XKR5: variants seen among roughly 807,000 people sequenced by gnomAD.
The protein encoded by XKR5 is XK related 5.
In XKR5, 46 loss-of-function variants were observed where a neutral mutation model predicts 40.8. That is an observed-to-expected ratio of 1.13 (90% confidence interval 0.89 to 1.44). The LOEUF (loss-of-function observed/expected upper bound fraction) is 1.44. Among genes scored for constraint, XKR5 ranks in the 40% most tolerant of loss-of-function variants. XKR5 has a pLI of 0.00. For missense variants in XKR5, 1,169 were observed against 844.7 expected (o/e 1.38, Z -4.76); for synonymous variants, 466 against 356.1 (o/e 1.31, Z -3.48).
At chr8:6,822,083 T>C (rs1470679700) in intron 4 of XKR5, 45 bp from the exon 5 acceptor site, 6 of 1,550,648 alleles carry the variant, frequency 3.9e-6, no homozygotes, top group Non-Finnish European at 4.4e-6. Context: ...TGCAAGGAGA[T>C]GGGGGGACAG....
At chr8:6,834,573 C>A (rs544730699) in intron 1 of XKR5, among the ~76,000 whole-genome samples, 1 of 152,126 alleles carries the variant, frequency 6.6e-6, no homozygotes, top group Non-Finnish European at 1.5e-5. Context: ...GCGCGTCCTC[C>A]GTGTGCGTCC....
intron 4 of XKR5, among the ~76,000 whole-genome samples, chr8:6,822,904 G>A (rs750136085): frequency 2.1e-4 from 32 of 152,234 alleles, no homozygotes; most frequent in Non-Finnish European, 4.0e-4. Flanking sequence ...ACTTTTGGAA[G>A]CTATGTGCAG....
At chr8:6,813,511 T>G (rs1474615165) in intron 6 of XKR5, among the ~76,000 whole-genome samples, 1 of 152,142 alleles carries the variant, frequency 6.6e-6, no homozygotes, top group Non-Finnish European at 1.5e-5. Flanking sequence ...TCAGTGAATA[T>G]TGGTCCCAGG....
intron 5 of XKR5, among the ~76,000 whole-genome samples, chr8:6,819,613 G>C (rs1332687849): frequency 1.3e-5 from 2 of 152,212 alleles, no homozygotes; most frequent in African/African-American, 2.4e-5. Flanking sequence ...ACTCAGGTCT[G>C]GGCAGTGTGC....
At chr8:6,813,400 C>T (rs1303115323) in intron 6 of XKR5, among the ~76,000 whole-genome samples, 2 of 152,182 alleles carry the variant, frequency 1.3e-5, no homozygotes, top group Non-Finnish European at 2.9e-5. Flanking sequence ...CCCCTGATCA[C>T]AGAAGTCCTG....
rs1481451099 is a variant in XKR5 at position 6,835,433 on chromosome 8, C to CA, written c.58+2dup. 2 of 1,483,374 alleles carry CA rather than the reference C, an allele frequency of 1.3e-6. No individual in the cohort carries two copies. The highest frequency in any genetic ancestry group is 1.8e-6 in the Non-Finnish European group (2 of 1,123,770). The allele number at this position is 1,483,374 out of a possible 1,614,324, so 91.9% of individuals were successfully genotyped here. On this transcript the variant is annotated splice_region_variant and intron_variant, in intron 1 of 6. Transcript: ENST00000618742. ...GAGCACAGCCTCGGGCTGCCGCACT[C>CA]ACGCGCGCTCTGCTCGGCCGCCTGC...
rs1803658699 is a variant in XKR5, at chr8:6,811,173, T to A, written c.*25A>T. The A allele has an allele frequency of 6.6e-7, 1 of 1,512,312 alleles. No homozygotes were observed. The highest frequency in any genetic ancestry group is 1.4e-5 in the African/African-American group (1 of 72,374). The allele number at this position is 1,512,312 out of a possible 1,614,324, so 93.7% of individuals were successfully genotyped here. The stretch of plus-strand genomic sequence containing the variant: ...ATGGCCAGCTTGGTTTGTCAGCCTG[T>A]TGTCTTATCCCACCATGACTGTGGT... On this transcript the variant is annotated 3_prime_UTR_variant, in exon 7 of 7. Transcript: ENST00000618742.
Position 6,823,689 on chromosome 8 carries a change from G to T in XKR5, c.469C>A (p.Leu157Met), listed in dbSNP as rs774620664. The change falls in exon 4 of 7, where the codon CTG becomes ATG. Residue 157 changes from leucine to methionine, a missense_variant. Leu to Met is a conservative substitution (Grantham distance 15). Coordinates refer to ENST00000618742, the MANE Select transcript of XKR5 (RefSeq NM_207411.5). Reference sequence around the variant, plus strand: ...CCCATGAAGCGAGTGTAGGACACCAGTGCCCAGGAGAGTGAGGACCAGGAA... The same window carrying T: ...CCCATGAAGCGAGTGTAGGACACCATTGCCCAGGAGAGTGAGGACCAGGAA... ...LFSWSSLSWA[L>M]VSYTRFMGFM... is the part of the protein sequence containing the mutation. The T allele has an allele frequency of 1.2e-5, 19 of 1,590,072 alleles. No individual in the cohort carries two copies. Among genetic ancestry groups the T allele is most frequent in the Middle Eastern group, 3.3e-4 (2 of 5,976 alleles).
chr8:6,823,050 G>C (rs191195978), intron 4 of XKR5, among the ~76,000 whole-genome samples: 1 of 152,180 alleles, frequency 6.6e-6, no homozygotes, highest in African/African-American at 2.4e-5. Flanking sequence ...GAAGTTCTCT[G>C]CTCCAGATTT....
intron 3 of XKR5, among the ~76,000 whole-genome samples, chr8:6,824,120 A>T (rs954427524): frequency 2.0e-5 from 3 of 152,228 alleles, no homozygotes; most frequent in African/African-American, 7.2e-5. Context: ...CCCCAAATGT[A>T]CTTTGCTGTT....
Position 6,832,739 on chromosome 8 carries a change from G to A in XKR5, c.220C>T (p.Leu74=). The change falls in exon 2 of 7, where the codon CTA becomes TTA. Residue 74 remains leucine, a synonymous_variant. Transcript: ENST00000618742. ...GHCSLMMLHL[L]QLGVWKRHWD... ...TACCGCTTCCAAACACCAAGCTGTA[G>A]GAGGTGCAGCATCATCAAGGAGCAA... The A allele has an allele frequency of 6.2e-7, 1 of 1,613,298 alleles. No homozygotes were observed. Among genetic ancestry groups the A allele is most frequent in the Non-Finnish European group, 8.5e-7 (1 of 1,179,638 alleles).
rs762066196 is a variant in XKR5 at position 6,812,228 on chromosome 8, C to G, written c.1031G>C (p.Arg344Thr). 1.4e-5 allele frequency: 21 copies of G among 1,552,068 alleles called. No individual in the cohort carries two copies. Among genetic ancestry groups the G allele is most frequent in the Non-Finnish European group, 1.1e-5 (13 of 1,147,124 alleles). ...CGIAGGDKTE[R>T]RDSPRATDLA... ...ATCTGTGGCCCGGGGAGAATCTCTT[C>G]TCTCTGTTTTATCACCTCCTGCAAT... Residue 344 changes from arginine to threonine, a missense_variant, in exon 7 of 7, where the codon AGA becomes ACA. Coordinates refer to ENST00000618742, the MANE Select transcript of XKR5 (RefSeq NM_207411.5).
chr8:6,829,684 T>A (rs1477211797), intron 2 of XKR5, among the ~76,000 whole-genome samples: 1 of 152,106 alleles, frequency 6.6e-6, no homozygotes, highest in African/African-American at 2.4e-5. Context: ...CCTGGCTAAT[T>A]TGTCTATTTT....
Position 6,811,885 on chromosome 8 carries a change from T to A in XKR5, c.1374A>T (p.Ser458=). 2 of 1,537,506 alleles carry A rather than the reference T, an allele frequency of 1.3e-6. No individual in the cohort carries two copies. Among genetic ancestry groups the A allele is most frequent in the Non-Finnish European group, 1.7e-6 (2 of 1,146,970 alleles). The change falls in exon 7 of 7, where the codon TCA becomes TCT. Residue 458 remains serine (S), a synonymous_variant. Transcript: ENST00000618742. ...TCTCTAAGGTTGAGGGGTCACGGGATGAGGATGGGAGCTCTTGCTGGGCAG... is the reference window on the plus strand; with the variant it reads ...TCTCTAAGGTTGAGGGGTCACGGGAAGAGGATGGGAGCTCTTGCTGGGCAG... The part of the protein sequence containing the change: ...ALSAQQELPS[S]SRDPSTLENS...
chr8:6,827,643 C>T (rs1458136010), intron 2 of XKR5, among the ~76,000 whole-genome samples: 1 of 152,118 alleles, frequency 6.6e-6, no homozygotes, highest in Non-Finnish European at 1.5e-5. Flanking sequence ...AAAAATGTAA[C>T]CATGAGGGCA....
intron 2 of XKR5, among the ~76,000 whole-genome samples, chr8:6,825,835 A>G (rs1260074929): frequency 6.6e-6 from 1 of 152,192 alleles, no homozygotes; most frequent in East Asian, 1.9e-4. Context: ...TGCTGCGAAA[A>G]CTGGGGCACA....
intron 2 of XKR5, among the ~76,000 whole-genome samples, chr8:6,826,530 G>C (rs1804488485): frequency 6.6e-6 from 1 of 152,164 alleles, no homozygotes. Flanking sequence ...GGAAGTTGCA[G>C]TGGCTTTGAG....
At chr8:6,822,899 T>C (rs545664624) in intron 4 of XKR5, among the ~76,000 whole-genome samples, 3 of 152,370 alleles carry the variant, frequency 2.0e-5, no homozygotes, top group African/African-American at 7.2e-5. Flanking sequence ...GGTGCACTTT[T>C]GGAAGCTATG....
intron 5 of XKR5, among the ~76,000 whole-genome samples, chr8:6,820,353 C>T (rs1804175247): frequency 6.6e-6 from 1 of 152,226 alleles, no homozygotes. Context: ...GATCTAGTGA[C>T]TGTATGAGAT....
Sources: gnomAD v4.1 joint callset for allele counts (sites outside exome capture counted in the v4.1 genomes callset) on GRCh38, gnomAD v4.1.1 for gene constraint, MANE v1.5 for transcripts, NCBI Gene and HGNC (gene_info 2026-07-23, HGNC 2026-07-21) for gene names.